The following CALN1 variants were observed in gnomAD, a reference collection of about 807,000 sequenced individuals.
CALN1 encodes calcium-binding protein 8.
In CALN1, 17 loss-of-function variants were observed where a neutral mutation model predicts 30.6. That is an observed-to-expected ratio of 0.56 (90% CI 0.38 to 0.83). CALN1 has a LOEUF of 0.83. Ranked by LOEUF, CALN1 falls within the 40% of genes least tolerant of loss-of-function variation. The pLI is 0.00. For missense variants in CALN1, 291 were observed against 354.9 expected (o/e 0.82, Z 1.45); for synonymous variants, 156 against 131.4 (o/e 1.19, Z -1.28).
chr7:72,121,116 ATATC>A (rs999956309), intron 3 of CALN1, among the ~76,000 whole-genome samples: 25 of 146,670 alleles, frequency 1.7e-4, no homozygotes, highest in Middle Eastern at 3.6e-3. Context: ...TATAAAATCT[ATATC>A]TATTATAATT....
rs1792982838 is a variant in CALN1, at chr7:71,786,419, A to G, written c.*1356T>C. ...AAGCTTGAATTCATAGTAGTGGCTG[A>G]CATCTAGGAAAAGTCAGGAAATTAC... is the stretch of plus-strand genomic sequence containing the variant. On this transcript the variant is annotated 3_prime_UTR_variant, in exon 7 of 7. Coordinates refer to ENST00000395275, the MANE Select transcript of CALN1 (RefSeq NM_031468.4). 4 of 152,216 alleles carry G rather than the reference A, an allele frequency of 2.6e-5. No homozygotes were observed. The highest frequency in any genetic ancestry group is 2.6e-4 in the Admixed American group (4 of 15,284). The allele number at this position is 152,216 out of a possible 1,614,324, so 9.4% of individuals were successfully genotyped here. A position where few individuals can be genotyped will look rare whatever the true frequency, so the allele number is the denominator to read the frequency against.
At chr7:72,445,118 A>G (rs1409204556) in intron 1 of CALN1, among the ~76,000 whole-genome samples, 3 of 151,522 alleles carry the variant, frequency 2.0e-5, no homozygotes, top group Non-Finnish European at 4.4e-5. Flanking sequence ...CATTAAGTTG[A>G]AAAGAAAATT....
intron 5 of CALN1, among the ~76,000 whole-genome samples, chr7:71,885,587 C>G (rs1343964473): frequency 6.6e-6 from 1 of 152,260 alleles, no homozygotes; most frequent in Admixed American, 6.5e-5. Context: ...ATATTTGACT[C>G]AGAATAAATC....
At chr7:71,940,355 C>G (rs1362157018) in intron 5 of CALN1, among the ~76,000 whole-genome samples, 1 of 152,188 alleles carries the variant, frequency 6.6e-6, no homozygotes, top group African/African-American at 2.4e-5. Context: ...CCATTAACTC[C>G]AATCCTGTAG....
chr7:72,336,764 G>C (rs369364895), intron 2 of CALN1: 1 of 985,188 alleles, frequency 1.0e-6, no homozygotes, highest in Non-Finnish European at 1.2e-6. Context: ...AGCGCGGGGG[G>C]CTTCCTCCGA....
intron 2 of CALN1, among the ~76,000 whole-genome samples, chr7:72,335,331 G>A (rs1272067847): frequency 2.0e-5 from 3 of 152,078 alleles, no homozygotes; most frequent in Admixed American, 6.6e-5. Flanking sequence ...TTCCCTTTTT[G>A]AGCAAAAGTC....
the CALN1 span, among the ~76,000 whole-genome samples, chr7:72,489,143 G>A: frequency 1.3e-5 from 2 of 152,128 alleles, no homozygotes; most frequent in Admixed American, 1.3e-4. Flanking sequence ...GAACAGAAGT[G>A]AAGCTTTTCC....
intron 4 of CALN1, among the ~76,000 whole-genome samples, chr7:72,038,195 T>C (rs2129533356): frequency 6.6e-6 from 1 of 152,148 alleles, no homozygotes; most frequent in African/African-American, 2.4e-5. Flanking sequence ...AAGCTACTCC[T>C]GGAATGCATA....
intron 3 of CALN1, among the ~76,000 whole-genome samples, chr7:72,267,904 G>A (rs1185460248): frequency 6.6e-6 from 1 of 152,212 alleles, no homozygotes; most frequent in Non-Finnish European, 1.5e-5. Context: ...CTACTCGGGA[G>A]GCTGAGATGG....
chr7:71,798,079 CAGAGAGAGACAG>C (rs1202895435), intron 6 of CALN1, among the ~76,000 whole-genome samples: 33 of 93,804 alleles, frequency 3.5e-4, no homozygotes, highest in African/African-American at 6.6e-4. Context: ...GAGAGAGAGA[CAGAGAGAGACAG>C]AGAGAGAGAC....
chr7:72,044,501 G>C (rs1802336704), intron 4 of CALN1, among the ~76,000 whole-genome samples: 1 of 151,428 alleles, frequency 6.6e-6, no homozygotes, highest in Admixed American at 6.6e-5. Flanking sequence ...CCAGGCAAGA[G>C]AGAAACAGGC....
chr7:72,029,119 A>C (rs1354456072), intron 4 of CALN1, among the ~76,000 whole-genome samples: 1 of 152,020 alleles, frequency 6.6e-6, no homozygotes, highest in African/African-American at 2.4e-5. Context: ...CTTTTGTTCT[A>C]ATATTTGGTC....
intron 4 of CALN1, among the ~76,000 whole-genome samples, chr7:72,061,814 A>AAAAAG (rs1563022530): frequency 6.6e-6 from 1 of 150,380 alleles, no homozygotes. Context: ...AAAAAAAAAA[A>AAAAAG]AAAAGAAATA....
chr7:72,016,248 CAAA>C (rs1216381592), intron 5 of CALN1, among the ~76,000 whole-genome samples: 1 of 73,356 alleles, frequency 1.4e-5, no homozygotes, highest in Non-Finnish European at 3.1e-5. Flanking sequence ...GACTCCATCT[CAAA>C]AAAAAAAAAA....
intron 3 of CALN1, among the ~76,000 whole-genome samples, chr7:72,148,986 A>AGGG (rs1563099553): frequency 3.4e-5 from 5 of 148,266 alleles, no homozygotes; most frequent in African/African-American, 1.3e-4. Flanking sequence ...GGGAGGGAGG[A>AGGG]AGGAAGGAAA....
rs1792849208 is a variant in CALN1 at position 71,783,868 on chromosome 7, C to G, written c.*3907G>C. On this transcript the variant is annotated 3_prime_UTR_variant, in exon 7 of 7. Transcript: ENST00000395275. ...TTTGGATAACTGCAAGATCGTAGACCATTTGTCAAGTGAGATTTGAGACAG... is the reference window on the plus strand; with the variant it reads ...TTTGGATAACTGCAAGATCGTAGACGATTTGTCAAGTGAGATTTGAGACAG... The G allele has an allele frequency of 6.6e-6, 1 of 152,490 alleles. No homozygotes were observed. The allele number at this position is 152,490 out of a possible 1,614,324, so 9.4% of individuals were successfully genotyped here.
chr7:72,018,646 C>A (rs904372110), intron 5 of CALN1, among the ~76,000 whole-genome samples: 1 of 152,086 alleles, frequency 6.6e-6, no homozygotes, highest in Non-Finnish European at 1.5e-5. Flanking sequence ...GAAAGGAAGC[C>A]GCATTTGTAG....
intron 3 of CALN1, among the ~76,000 whole-genome samples, chr7:72,217,565 G>C (rs552731190): frequency 2.6e-5 from 4 of 152,142 alleles, no homozygotes; most frequent in African/African-American, 9.7e-5. Context: ...AAATGGGCCA[G>C]AAAGCTACAT....
chr7:72,375,056 G>C (rs558811284), intron 2 of CALN1, among the ~76,000 whole-genome samples: 13 of 152,200 alleles, frequency 8.5e-5, no homozygotes, highest in African/African-American at 3.1e-4. Flanking sequence ...TGGAAAAAAA[G>C]ATTGTCTTTA....
Sources: gnomAD v4.1 joint callset for allele counts (sites outside exome capture counted in the v4.1 genomes callset) on GRCh38, gnomAD v4.1.1 for gene constraint, MANE v1.5 for transcripts, NCBI Gene and HGNC (gene_info 2026-07-23, HGNC 2026-07-21) for gene names.